The following TAFA5 variants were observed in gnomAD, a reference collection of about 807,000 sequenced individuals.
The protein encoded by TAFA5 is TAFA chemokine like family member 5.
TAFA5 carries 6 observed loss-of-function variants against 15.3 expected under a neutral mutation model. The ratio of observed to expected loss-of-function variants is 0.39; its 90% CI spans 0.21 to 0.77. The LOEUF (loss-of-function observed/expected upper bound fraction) is 0.77, where lower values mean the gene tolerates loss of function less well. TAFA5 is among the 30% of genes least tolerant of loss of function. The pLI is 0.41. For missense variants in TAFA5, 161 were observed against 193.1 expected (o/e 0.83, Z 0.98); for synonymous variants, 103 against 80.7 (o/e 1.28, Z -1.48).
chr22:48,502,520 AT>A (rs71677503), intron 1 of TAFA5, among the ~76,000 whole-genome samples: 27,887 of 130,420 alleles, frequency 0.21, 3,783 homozygotes, highest in African/African-American at 0.47. Context: ...TCTCTTTGGA[AT>A]TTTTTTTTTT....
At chr22:48,518,814 C>T (rs1300714435) in intron 1 of TAFA5, among the ~76,000 whole-genome samples, 3 of 152,356 alleles carry the variant, frequency 2.0e-5, no homozygotes, top group African/African-American at 7.2e-5. Context: ...GCGGTGTCAC[C>T]TCTTTTCCTG....
At chr22:48,699,788 A>C (rs1928846191) in intron 2 of TAFA5, among the ~76,000 whole-genome samples, 1 of 152,200 alleles carries the variant, frequency 6.6e-6, no homozygotes, top group Non-Finnish European at 1.5e-5. Flanking sequence ...CGAACAGAAG[A>C]AATGTTCATT....
rs556761449 is a variant in TAFA5 at position 48,625,013 on chromosome 22, G to T, written c.113-21584G>T. The stretch of plus-strand genomic sequence containing the variant: ...ACCTGTAATCCCAGCCACCTGAGAG[G>T]CTGAGGCAGGAGAATTGCTTGAACC... On this transcript the variant is annotated intron_variant, in intron 1 of 3. Coordinates refer to ENST00000402357, the MANE Select transcript of TAFA5 (RefSeq NM_001082967.3). 3.3e-5 allele frequency among the ~76,000 whole-genome samples: 5 copies of T among 152,208 alleles called. No individual in the cohort carries two copies. In the South Asian group the frequency reaches 1.0e-3, roughly 32 times the overall value.
chr22:48,506,109 C>G (rs1038302534), intron 1 of TAFA5, among the ~76,000 whole-genome samples: 1 of 152,190 alleles, frequency 6.6e-6, no homozygotes, highest in Non-Finnish European at 1.5e-5. Context: ...CTGTCCCTAT[C>G]TCACTCCCTG....
At chr22:48,693,855 A>G (rs943620625) in intron 2 of TAFA5, among the ~76,000 whole-genome samples, 3 of 152,152 alleles carry the variant, frequency 2.0e-5, no homozygotes, top group African/African-American at 7.2e-5. Context: ...CTTACTGACT[A>G]TGCCATCTCA....
intron 3 of TAFA5, among the ~76,000 whole-genome samples, chr22:48,737,577 A>G (rs1930065648): frequency 6.6e-6 from 1 of 152,180 alleles, no homozygotes. Context: ...GAGCCTGGGC[A>G]CAGGGACAGA....
intron 1 of TAFA5, among the ~76,000 whole-genome samples, chr22:48,494,816 G>A (rs547392400): frequency 1.3e-5 from 2 of 152,358 alleles, no homozygotes; most frequent in South Asian, 4.1e-4. Context: ...CCTGGCAGCT[G>A]GCAGCAGATC....
intron 1 of TAFA5, among the ~76,000 whole-genome samples, chr22:48,611,234 C>T (rs1278719864): frequency 2.6e-5 from 4 of 152,232 alleles, no homozygotes; most frequent in African/African-American, 9.6e-5. Context: ...CGCACTCAGC[C>T]TATTTTTGAT....
intron 3 of TAFA5, among the ~76,000 whole-genome samples, chr22:48,710,971 C>T (rs1049732124): frequency 3.3e-5 from 5 of 152,282 alleles, no homozygotes; most frequent in Non-Finnish European, 5.9e-5. Flanking sequence ...ACACAAAGGC[C>T]AGACCTGGCT....
chr22:48,544,738 G>A lies in TAFA5; in HGVS notation c.112+55034G>A, dbSNP rs1366027359. 6 of 471,154 alleles carry A rather than the reference G, an allele frequency of 1.3e-5. No homozygotes were observed. The Admixed American group carries it at 1.4e-4, about 11-fold the overall frequency. The allele number at this position is 471,154 out of a possible 1,614,324, so 29.2% of individuals were successfully genotyped here. A position where few individuals can be genotyped will look rare whatever the true frequency, so the allele number is the denominator to read the frequency against. Reference sequence around the variant, plus strand: ...CATGTTGGTCTCAGTCCCCACTCCGGGCTGCGGGGAGGCTGACTTGGAGAA... The same window carrying A: ...CATGTTGGTCTCAGTCCCCACTCCGAGCTGCGGGGAGGCTGACTTGGAGAA... On this transcript the variant is annotated intron_variant, in intron 1 of 3. Transcript: ENST00000402357.
At chr22:48,502,783 A>G (rs574513446) in intron 1 of TAFA5, among the ~76,000 whole-genome samples, 81 of 152,268 alleles carry the variant, frequency 5.3e-4, no homozygotes, top group Non-Finnish European at 9.6e-4. Flanking sequence ...CGGTCTCCCA[A>G]AATGCTGAGA....
At chr22:48,523,527 G>A (rs1239994013) in intron 1 of TAFA5, among the ~76,000 whole-genome samples, 1 of 152,196 alleles carries the variant, frequency 6.6e-6, no homozygotes, top group Non-Finnish European at 1.5e-5. Flanking sequence ...GCTGGCCCGG[G>A]GCCCCGGCTC....
intron 2 of TAFA5, among the ~76,000 whole-genome samples, chr22:48,664,482 G>T (rs1207235008): frequency 6.6e-6 from 1 of 152,096 alleles, no homozygotes; most frequent in Admixed American, 6.5e-5. Flanking sequence ...CTTAAATTGG[G>T]CTTAGAAGCC....
chr22:48,645,880 C>T (rs549095697), intron 1 of TAFA5, among the ~76,000 whole-genome samples: 1 of 152,182 alleles, frequency 6.6e-6, no homozygotes, highest in South Asian at 2.1e-4. Flanking sequence ...CTGTGGCTCA[C>T]TCCAGGGGTG....
chr22:48,569,817 G>A lies in TAFA5; in HGVS notation c.113-76780G>A, dbSNP rs551590664. Among the ~76,000 whole-genome samples the A allele has an allele frequency of 2.6e-3, 402 of 152,304 alleles. 1 individual carries two copies. The highest frequency in any genetic ancestry group is 9.1e-3 in the African/African-American group (379 of 41,568). ...CCTTCCAGGCCTGTCCCCAGCATGCGGCTGGCGTGCCCTCTCACTGTTTCC... is the reference window on the plus strand; with the variant it reads ...CCTTCCAGGCCTGTCCCCAGCATGCAGCTGGCGTGCCCTCTCACTGTTTCC... On this transcript the variant is annotated intron_variant, in intron 1 of 3. Coordinates refer to ENST00000402357, the MANE Select transcript of TAFA5 (RefSeq NM_001082967.3).
chr22:48,734,721 A>G (rs111328393), intron 3 of TAFA5, among the ~76,000 whole-genome samples: 9,145 of 152,362 alleles, frequency 0.06, 779 homozygotes, highest in African/African-American at 0.19. Flanking sequence ...GGCCAAGTGA[A>G]CAGCCCCGTC....
intron 1 of TAFA5, among the ~76,000 whole-genome samples, chr22:48,518,572 T>A (rs1921495348): frequency 6.6e-6 from 1 of 152,150 alleles, no homozygotes; most frequent in Non-Finnish European, 1.5e-5. Context: ...AACCCACAGT[T>A]CTCACGGCAT....
At chr22:48,546,391 G>A (rs1922669741) in intron 1 of TAFA5, 8 of 437,206 alleles carry the variant, frequency 1.8e-5, no homozygotes, top group South Asian at 1.4e-4. Context: ...GCTGTGCTGA[G>A]CACTGGATGG....
Position 48,516,551 on chromosome 22 carries a change from G to A in TAFA5, c.112+26847G>A, listed in dbSNP as rs140802411. ...CCTGTTGCAGCCTGGGAACGCCTTG[G>A]AGAAGGCCATACCCACGGCAAGGTG... On this transcript the variant is annotated intron_variant, in intron 1 of 3. Coordinates refer to ENST00000402357, the MANE Select transcript of TAFA5 (RefSeq NM_001082967.3). 6.0e-3 allele frequency among the ~76,000 whole-genome samples: 920 copies of A among 152,364 alleles called. 4 individuals carry two copies. The highest frequency in any genetic ancestry group is 9.5e-3 in the Non-Finnish European group (648 of 68,044).
Sources: gnomAD v4.1 joint callset for allele counts (sites outside exome capture counted in the v4.1 genomes callset) on GRCh38, gnomAD v4.1.1 for gene constraint, MANE v1.5 for transcripts, NCBI Gene and HGNC (gene_info 2026-07-23, HGNC 2026-07-21) for gene names.